The following GRHL2 variants were observed in gnomAD, a reference collection of about 807,000 sequenced individuals.
GRHL2 encodes grainyhead-like protein 2 homolog.
GRHL2 carries 21 observed loss-of-function variants against 83.8 expected under a neutral mutation model. That is an observed-to-expected ratio of 0.25 (90% CI 0.18 to 0.36). The LOEUF is 0.36. GRHL2 is among the 10% of genes least tolerant of loss of function. GRHL2 has a pLI of 1.00. For missense variants in GRHL2, 623 were observed against 781.8 expected (o/e 0.80, Z 2.42); for synonymous variants, 280 against 278.9 (o/e 1.00, Z -0.04).
intron 1 of GRHL2, among the ~76,000 whole-genome samples, chr8:101,540,448 G>C (rs1349132172): frequency 6.6e-6 from 1 of 152,158 alleles, no homozygotes; most frequent in Non-Finnish European, 1.5e-5. Flanking sequence ...TTATACCCTT[G>C]TAATCTAACT....
At chr8:101,538,575 A>G (rs1430001748) in intron 1 of GRHL2, among the ~76,000 whole-genome samples, 1 of 152,222 alleles carries the variant, frequency 6.6e-6, no homozygotes, top group Non-Finnish European at 1.5e-5. Context: ...GAGGCTACCC[A>G]GGACATAGCC....
At chr8:101,664,645 T>G in intron 15 of GRHL2, 127 bp downstream of exon 15, 1 of 714,246 alleles carries the variant, frequency 1.4e-6, no homozygotes, top group Non-Finnish European at 2.5e-6. Flanking sequence ...GTGTCCTTCT[T>G]CCAGAGAATT....
At chr8:101,622,236 A>G (rs978241001) in intron 9 of GRHL2, among the ~76,000 whole-genome samples, 62 of 152,248 alleles carry the variant, frequency 4.1e-4, no homozygotes, top group African/African-American at 1.5e-3. Flanking sequence ...AAGGTAATCA[A>G]GTAAAGAAAA....
At chr8:101,619,841 T>TTC (rs1812928952) in intron 9 of GRHL2, 144 bp downstream of exon 9, 1 of 634,782 alleles carries the variant, frequency 1.6e-6, no homozygotes, top group Non-Finnish European at 2.7e-6. Context: ...TAATCTTCTA[T>TTC]TCTCAGTTCC....
chr8:101,512,594 C>T (rs1810487826), intron 1 of GRHL2, among the ~76,000 whole-genome samples: 1 of 152,214 alleles, frequency 6.6e-6, no homozygotes, highest in Non-Finnish European at 1.5e-5. Context: ...CCGGCCTCAG[C>T]CACCCGAGTA....
chr8:101,573,240 C>CAAA (rs76573673), intron 5 of GRHL2, among the ~76,000 whole-genome samples: 9 of 78,872 alleles, frequency 1.1e-4, no homozygotes, highest in African/African-American at 3.4e-4. Flanking sequence ...CTTGGTTAGA[C>CAAA]AAAAAAAAAA....
chr8:101,634,232 C>T (rs1370660321), intron 11 of GRHL2, among the ~76,000 whole-genome samples: 1 of 152,062 alleles, frequency 6.6e-6, no homozygotes, highest in Non-Finnish European at 1.5e-5. Context: ...ATGAGGGGGT[C>T]AATGAAGAAG....
At chr8:101,564,482 G>A (rs1272478805) in intron 4 of GRHL2, among the ~76,000 whole-genome samples, 3 of 152,100 alleles carry the variant, frequency 2.0e-5, no homozygotes, top group Non-Finnish European at 2.9e-5. Context: ...AACTCAGGCT[G>A]GGATTTTTGA....
chr8:101,641,871 A>ACACATCCTCCCTTAAAT (rs550405142), intron 12 of GRHL2, among the ~76,000 whole-genome samples: 15 of 152,220 alleles, frequency 9.9e-5, no homozygotes, highest in Admixed American at 1.3e-4. Context: ...TATAACTGAC[A>ACACATCCTCCCTTAAAT]CACATCCTCC....
intron 5 of GRHL2, 72 bp from the exon 6 acceptor site, chr8:101,573,581 CATGTGAAATGCTATG>C (rs1423912178): frequency 6.7e-7 from 1 of 1,495,052 alleles, no homozygotes. Context: ...GGTTAATGTT[CATGTGAAATGCTATG>C]ATGTGAAATT....
intron 8 of GRHL2, among the ~76,000 whole-genome samples, chr8:101,611,937 A>T (rs1416717946): frequency 1.3e-5 from 2 of 150,238 alleles, no homozygotes; most frequent in Admixed American, 1.3e-4. Context: ...CTGTCTCAAG[A>T]CTCCTACAGG....
rs1812470489 is a variant in GRHL2 at position 101,599,678 on chromosome 8, C to T, written c.1098+527C>T. Among the ~76,000 whole-genome samples, 2 of 152,198 alleles carry T rather than the reference C, an allele frequency of 1.3e-5. 1 individual carries two copies. Among genetic ancestry groups the T allele is most frequent in the South Asian group, 4.1e-4 (2 of 4,834 alleles). On this transcript the variant is annotated intron_variant, in intron 8 of 15. Transcript: ENST00000646743. ...TGTTTAATGTTGGCTGCTTAACTAA[C>T]CTTTTTCTGTTTTTTGGAGTGCCCA... is the stretch of plus-strand genomic sequence containing the variant.
At chr8:101,576,886 A>G (rs1316901278) in intron 6 of GRHL2, among the ~76,000 whole-genome samples, 3 of 152,188 alleles carry the variant, frequency 2.0e-5, no homozygotes, top group African/African-American at 4.8e-5. Flanking sequence ...GTTTAGATCT[A>G]TGTTCACCAA....
At chr8:101,613,428 C>T (rs892380324) in intron 8 of GRHL2, among the ~76,000 whole-genome samples, 26 of 150,758 alleles carry the variant, frequency 1.7e-4, no homozygotes, top group African/African-American at 4.5e-4. Flanking sequence ...TCCCTGGGGG[C>T]GGGTAGTCTG....
At chr8:101,530,107 G>C (rs549246052) in intron 1 of GRHL2, among the ~76,000 whole-genome samples, 1 of 152,180 alleles carries the variant, frequency 6.6e-6, no homozygotes, top group Non-Finnish European at 1.5e-5. Flanking sequence ...TTAGCCATAG[G>C]CACTGAAGAC....
intron 13 of GRHL2, among the ~76,000 whole-genome samples, chr8:101,645,614 C>T (rs1813497315): frequency 6.6e-6 from 1 of 152,112 alleles, no homozygotes; most frequent in Non-Finnish European, 1.5e-5. Context: ...GCGTCCTCAT[C>T]TGTAAAAAGG....
intron 1 of GRHL2, among the ~76,000 whole-genome samples, chr8:101,529,297 G>T (rs1048243307): frequency 2.0e-5 from 3 of 152,100 alleles, no homozygotes; most frequent in African/African-American, 7.2e-5. Flanking sequence ...GCCTGGCATG[G>T]TGGCATGTGC....
chr8:101,561,656 TATTTTA>T (rs1248369194), intron 4 of GRHL2, among the ~76,000 whole-genome samples: 2 of 152,254 alleles, frequency 1.3e-5, no homozygotes, highest in Non-Finnish European at 2.9e-5. Flanking sequence ...AAGAATATTT[TATTTTA>T]TACATCACTA....
At chr8:101,617,447 G>T (rs1458308059) in intron 8 of GRHL2, among the ~76,000 whole-genome samples, 1 of 152,206 alleles carries the variant, frequency 6.6e-6, no homozygotes, top group East Asian at 1.9e-4. Context: ...ACAGGCTTTG[G>T]GTTTGAAATG....
Sources: allele counts gnomAD v4.1 joint callset (sites outside exome capture counted in the v4.1 genomes callset), GRCh38; gene constraint gnomAD v4.1.1; transcripts MANE v1.5; gene names NCBI Gene and HGNC (gene_info 2026-07-23, HGNC 2026-07-21).